RNF115: variants seen among roughly 807,000 people sequenced by gnomAD.
RNF115 encodes the protein E3 ubiquitin-protein ligase RNF115.
Under a neutral mutation model 39.2 loss-of-function variants are expected in RNF115, and 31 were observed. The observed-to-expected ratio is 0.79, with a 90% confidence interval of 0.59 to 1.07. RNF115 has a LOEUF of 1.07. Ranked by LOEUF, RNF115 falls within the 50% of genes least tolerant of loss-of-function variation. The pLI is 0.00. For synonymous variants in RNF115, 124 were observed against 131.0 expected, an observed-to-expected ratio of 0.95 and a Z score of 0.37; for missense variants, 384 against 381.7, an observed-to-expected ratio of 1.01 and a Z score of -0.05.
In RNF115 at chr1:145,744,194, G is replaced by A. The variant is rs1452018589; in HGVS notation, c.*2672C>T. 1 of 152,222 alleles carries A rather than the reference G, an allele frequency of 6.6e-6. No individual in the cohort carries two copies. The highest frequency in any genetic ancestry group is 2.4e-5 in the African/African-American group (1 of 41,430). The allele number at this position is 152,222 out of a possible 1,614,324, so 9.4% of individuals were successfully genotyped here. ...GACACTGACAAGCAAATATGTCCAG[G>A]CTGTCATGATTTTTCTGAGACAACT... On this transcript the variant is annotated 3_prime_UTR_variant, in exon 9 of 9. Coordinates refer to ENST00000582693, the MANE Select transcript of RNF115 (RefSeq NM_014455.4).
At chr1:145,800,920 A>G (rs1649206273) in intron 1 of RNF115, among the ~76,000 whole-genome samples, 1 of 152,232 alleles carries the variant, frequency 6.6e-6, no homozygotes, top group Admixed American at 6.5e-5. Context: ...CTGTAATCCC[A>G]GCACTTTGGG....
Position 145,746,946 on chromosome 1 carries a change from G to A in RNF115, c.835C>T (p.Arg279Trp), listed in dbSNP as rs370382045. ...GAGGCCTCAGTGCTCTGGCTTTGCC[G>A]AGTAGAGTCCTCACCATTTAAGCTC... is the stretch of plus-strand genomic sequence containing the variant. ...RKSLNGEDST[R>W]QSQSTEASAS... Residue 279 changes from arginine (R) to tryptophan (W), a missense_variant, in exon 9 of 9, where the codon CGG (arginine) becomes TGG (tryptophan). By Grantham distance (101) the Arg-to-Trp change is moderately radical (BLOSUM62 -3). Transcript: ENST00000582693. 23 of 1,613,916 alleles carry A rather than the reference G, an allele frequency of 1.4e-5. No individual in the cohort carries two copies. Among genetic ancestry groups the A allele is most frequent in the African/African-American group, 4.0e-5 (3 of 74,902 alleles).
In RNF115 at chr1:145,776,695, GC is replaced by G. The variant is rs376428954; in HGVS notation, c.220-4777del. Among the ~76,000 whole-genome samples, 529 of 152,110 alleles carry G rather than the reference GC, an allele frequency of 3.5e-3. 3 individuals are homozygous for G. Among genetic ancestry groups the G allele is most frequent in the African/African-American group, 0.012 (506 of 41,514 alleles). On this transcript the variant is annotated intron_variant, in intron 3 of 8. Transcript: ENST00000582693. ...ACTAAAAATACAAAAAGTTAGCTGG[GC>G]GTGGTGGAGCATGCCTGTAATCCCA...
intron 4 of RNF115, among the ~76,000 whole-genome samples, chr1:145,766,042 G>A (rs587616716): frequency 6.7e-6 from 1 of 150,140 alleles, no homozygotes; most frequent in East Asian, 1.9e-4. Flanking sequence ...GGTGTTTCTC[G>A]CAGAGGGAGA....
intron 4 of RNF115, among the ~76,000 whole-genome samples, chr1:145,754,439 C>T (rs10737219): frequency 0.037 from 5,595 of 152,180 alleles, 346 homozygotes; most frequent in African/African-American, 0.13. Context: ...CTGCAACCTC[C>T]ATATCCCAGG....
intron 3 of RNF115, among the ~76,000 whole-genome samples, chr1:145,780,353 G>A (rs1421996011): frequency 6.6e-6 from 1 of 152,096 alleles, no homozygotes; most frequent in East Asian, 1.9e-4. Context: ...GGGCGCAGTG[G>A]CTCACACCTG....
chr1:145,750,864 C>A (rs1553712377), intron 6 of RNF115, among the ~76,000 whole-genome samples: 1 of 152,016 alleles, frequency 6.6e-6, no homozygotes, highest in African/African-American at 2.4e-5. Flanking sequence ...AAGAAAAAAG[C>A]GAGAGTATGA....
At chr1:145,806,256 G>C (rs1011516362) in intron 1 of RNF115, among the ~76,000 whole-genome samples, 10 of 152,132 alleles carry the variant, frequency 6.6e-5, no homozygotes, top group Non-Finnish European at 1.3e-4. Context: ...GCTGAAGCAG[G>C]AGAATCGCTT....
At chr1:145,778,774 C>A (rs1452110612) in intron 3 of RNF115, among the ~76,000 whole-genome samples, 2 of 152,158 alleles carry the variant, frequency 1.3e-5, no homozygotes, top group African/African-American at 4.8e-5. Flanking sequence ...TACTTTTCAA[C>A]AGAGGAATGA....
At position 145,823,947 on chromosome 1, in the gene RNF115, A is replaced by AGTC. The variant is rs2101623530; in HGVS notation, c.-77_-75dup. On this transcript the variant is annotated 5_prime_UTR_variant, in exon 1 of 9. Coordinates refer to ENST00000582693, the MANE Select transcript of RNF115 (RefSeq NM_014455.4). Reference sequence around the variant, plus strand: ...GCCAGGCCGCTACCTCCCGAGCTGCAGTCGTCGCCGCCGCCGCCGCCTCGG... The same window carrying AGTC: ...GCCAGGCCGCTACCTCCCGAGCTGCAGTCGTCGTCGCCGCCGCCGCCGCCTCGG... The AGTC allele has an allele frequency of 8.9e-7, 1 of 1,117,412 alleles. No individual in the cohort carries two copies. The highest frequency in any genetic ancestry group is 1.2e-6 in the Non-Finnish European group (1 of 838,568). 69.2% of individuals were successfully genotyped at this position (1,117,412 alleles called of 1,614,324 possible). A position where few individuals can be genotyped will look rare whatever the true frequency, so the allele number is the denominator to read the frequency against.
At chr1:145,750,748 C>T (rs1423132934) in intron 6 of RNF115, among the ~76,000 whole-genome samples, 2 of 152,142 alleles carry the variant, frequency 1.3e-5, no homozygotes, top group South Asian at 4.1e-4. Flanking sequence ...CACCTCTAGG[C>T]ATAAAGCAAC....
Position 145,739,979 on chromosome 1 carries a change from ATGAGAGTC to A in RNF115, c.*6879_*6886del, listed in dbSNP as rs1404578557. On this transcript the variant is annotated 3_prime_UTR_variant, in exon 9 of 9. Transcript: ENST00000582693. ...CCACAGAATTGTTCTGAGAATCAAAATGAGAGTCTGGATTTGGGACCTAGAGCCATTTG... is the reference window on the plus strand; with the variant it reads ...CCACAGAATTGTTCTGAGAATCAAAATGGATTTGGGACCTAGAGCCATTTG... 5 of 152,206 alleles carry A rather than the reference ATGAGAGTC, an allele frequency of 3.3e-5. No homozygotes were observed. Among genetic ancestry groups the A allele is most frequent in the Non-Finnish European group, 4.4e-5 (3 of 68,034 alleles). The allele number at this position is 152,206 out of a possible 1,614,324, so 9.4% of individuals were successfully genotyped here.
At chr1:145,758,749 C>A (rs587712514) in intron 4 of RNF115, among the ~76,000 whole-genome samples, 18 of 152,300 alleles carry the variant, frequency 1.2e-4, no homozygotes, top group Non-Finnish European at 2.1e-4. Flanking sequence ...GATGATTTCT[C>A]TTTCTTGGCT....
chr1:145,820,629 G>A (rs1340693709), intron 1 of RNF115, among the ~76,000 whole-genome samples: 1 of 152,128 alleles, frequency 6.6e-6, no homozygotes, highest in African/African-American at 2.4e-5. Context: ...CCCACTACTT[G>A]GGAGGCCGAG....
chr1:145,746,798 G>A lies in RNF115; in HGVS notation c.*68C>T. 1 of 1,504,224 alleles carries A rather than the reference G, an allele frequency of 6.6e-7. No homozygotes were observed. The highest frequency in any genetic ancestry group is 1.3e-5 in the South Asian group (1 of 78,680). The allele number at this position is 1,504,224 out of a possible 1,614,324, so 93.2% of individuals were successfully genotyped here. A position where few individuals can be genotyped will look rare whatever the true frequency, so the allele number is the denominator to read the frequency against. The stretch of plus-strand genomic sequence containing the variant: ...TCCTAAATCCATCTACTAATTTTTT[G>A]TTTTGATACAATTTACAGCTATGGT... On this transcript the variant is annotated 3_prime_UTR_variant, in exon 9 of 9. Transcript: ENST00000582693.
chr1:145,821,368 A>G (rs1337713891), intron 1 of RNF115, among the ~76,000 whole-genome samples: 8 of 130,518 alleles, frequency 6.1e-5, no homozygotes, highest in African/African-American at 2.1e-4. Context: ...ACACCTATTC[A>G]GCTTTTCAAA....
At chr1:145,766,570 G>A (rs1162019096) in intron 4 of RNF115, among the ~76,000 whole-genome samples, 2 of 151,628 alleles carry the variant, frequency 1.3e-5, no homozygotes, top group Admixed American at 1.3e-4. Context: ...AGTAGGGGCG[G>A]CCGGGCAGAG....
chr1:145,822,221 C>T (rs1553724473), intron 1 of RNF115, among the ~76,000 whole-genome samples: 2 of 151,576 alleles, frequency 1.3e-5, no homozygotes, highest in East Asian at 3.9e-4. Context: ...CCCAGCTACC[C>T]GGAGGCCGAG....
intron 1 of RNF115, among the ~76,000 whole-genome samples, chr1:145,802,383 G>A (rs1649290144): frequency 6.6e-6 from 1 of 152,132 alleles, no homozygotes; most frequent in Non-Finnish European, 1.5e-5. Context: ...TGGTTTTAAT[G>A]CATTATTTCT....
Sources: allele counts gnomAD v4.1 joint callset (sites outside exome capture counted in the v4.1 genomes callset), GRCh38; gene constraint gnomAD v4.1.1; transcripts MANE v1.5; gene names NCBI Gene and HGNC (gene_info 2026-07-23, HGNC 2026-07-21).